Variants in SAFB2 observed in about 807,000 individuals in gnomAD.
SAFB2 encodes the protein scaffold attachment factor B2.
In SAFB2, 32 loss-of-function variants were observed where a neutral mutation model predicts 100.6. The observed-to-expected ratio is 0.32, with a 90% CI of 0.24 to 0.43. The LOEUF is 0.43. Ranked by LOEUF, SAFB2 falls within the 20% of genes least tolerant of loss-of-function variation. The pLI is 1.00. For synonymous variants in SAFB2, 500 were observed against 439.4 expected, an observed-to-expected ratio of 1.14 and a Z score of -1.72; for missense variants, 1,185 against 1,163.4, an observed-to-expected ratio of 1.02 and a Z score of -0.27.
At position 5,587,463 on chromosome 19, in the gene SAFB2, G is replaced by C; in HGVS notation, c.2706-64C>G. 6.5e-7 allele frequency: 1 copy of C among 1,541,064 alleles called. No individual in the cohort carries two copies. The highest frequency in any genetic ancestry group is 8.8e-7 in the Non-Finnish European group (1 of 1,138,098). On this transcript the variant is annotated intron_variant, in intron 20 of 20. Coordinates refer to ENST00000252542, the MANE Select transcript of SAFB2 (RefSeq NM_014649.3). This position sits in a 1 kb window ranked among gnomAD's most constrained non-coding sequence, Gnocchi z 4.9. Reference sequence around the variant, plus strand: ...GCTCAGCGTTTTCATCGTAACATGGGTTCAGTAACGGTCCCGCAGCCTTTA... The same window carrying C: ...GCTCAGCGTTTTCATCGTAACATGGCTTCAGTAACGGTCCCGCAGCCTTTA...
Position 5,604,616 on chromosome 19 carries a change from T to C in SAFB2, c.1526A>G (p.Asp509Gly). ...TTTGATCTCCACAGAATGATGTCTG[T>C]CGACACTCGATAATTTTTCCTTCTT... ...EVKKEKLSSVDRHHSVEIKIE... is the reference protein window; with the variant it reads ...EVKKEKLSSVGRHHSVEIKIE... Residue 509 changes from aspartate to glycine, a missense_variant, in exon 11 of 21, where the codon GAC becomes GGC. Asp to Gly is a moderately conservative substitution (Grantham distance 94, BLOSUM62 -1). Transcript: ENST00000252542. The C allele has an allele frequency of 1.2e-6, 2 of 1,614,154 alleles. No homozygotes were observed. The highest frequency in any genetic ancestry group is 4.5e-5 in the East Asian group (2 of 44,888).
chr19:5,615,462 C>T (rs1342107846), intron 4 of SAFB2, among the ~76,000 whole-genome samples: 3 of 152,058 alleles, frequency 2.0e-5, no homozygotes, highest in South Asian at 2.1e-4. Flanking sequence ...AATCCCAGCA[C>T]TCTGGGAGGC....
chr19:5,620,897 T>C (rs772110758), intron 2 of SAFB2, among the ~76,000 whole-genome samples: 6 of 152,190 alleles, frequency 3.9e-5, no homozygotes, highest in Non-Finnish European at 7.4e-5. Context: ...ACAATCTACT[T>C]TGGACCCTAG....
intron 18 of SAFB2, 99 bp from the exon 19 acceptor site, chr19:5,588,079 T>C (rs951662899): frequency 1.9e-6 from 2 of 1,034,890 alleles, no homozygotes; most frequent in African/African-American, 1.6e-5. Context: ...TGGTGGGTCA[T>C]GCCACACAAC....
rs187024656 is a variant in SAFB2 at position 5,598,309 on chromosome 19, C to T, written c.1782+484G>A. Among the ~76,000 whole-genome samples, 643 of 152,198 alleles carry T rather than the reference C, an allele frequency of 4.2e-3. 1 individual carries two copies. Among genetic ancestry groups the T allele is most frequent in the Non-Finnish European group, 7.4e-3 (506 of 68,014 alleles). On this transcript the variant is annotated intron_variant, in intron 13 of 20. Transcript: ENST00000252542. ...CCCAGAGTGAAAAACGCAAATGAGA[C>T]GCTATTTCGTCTAGTTGTGTGCACA...
rs1016979995 is a variant in SAFB2 at position 5,613,684 on chromosome 19, C to T, written c.544-157G>A. On this transcript the variant is annotated intron_variant, in intron 4 of 20. Transcript: ENST00000252542. ...TCATTCAGTTCAGCACCTGCCTCTC[C>T]GCCAGAACACACACTCCACGACTCT... 3 of 985,294 alleles carry T rather than the reference C, an allele frequency of 3.0e-6. No homozygotes were observed. The African/African-American group carries it at 5.2e-5, about 17-fold the overall frequency. 61.0% of individuals were successfully genotyped at this position (985,294 alleles called of 1,614,324 possible).
At chr19:5,622,389 G>A (rs910359639) in intron 1 of SAFB2, 141 bp downstream of exon 1, 2 of 744,864 alleles carry the variant, frequency 2.7e-6, no homozygotes, top group African/African-American at 1.9e-5. Context: ...CCGGCCCCCT[G>A]GGTGCCCGAC....
chr19:5,612,619 A>G (rs371756814), intron 5 of SAFB2, 52 bp from the exon 6 acceptor site: 44 of 1,446,188 alleles, frequency 3.0e-5, no homozygotes, highest in Non-Finnish European at 4.2e-5. Flanking sequence ...CACGGGGCAC[A>G]TACATTTCAC....
In SAFB2 at chr19:5,621,414, G is replaced by T; in HGVS notation, c.187-18C>A. The T allele has an allele frequency of 1.3e-6, 2 of 1,486,852 alleles. No individual in the cohort carries two copies. Among genetic ancestry groups the T allele is most frequent in the Non-Finnish European group, 1.9e-6 (2 of 1,064,238 alleles). The allele number at this position is 1,486,852 out of a possible 1,614,324, so 92.1% of individuals were successfully genotyped here. ...TTAACCGCCTATTAGGGAGAGATGAGTTTTACAACATCATTAAGAGCTGCA... is the reference window on the plus strand; with the variant it reads ...TTAACCGCCTATTAGGGAGAGATGATTTTTACAACATCATTAAGAGCTGCA... On this transcript the variant is annotated intron_variant, in intron 1 of 20. Coordinates refer to ENST00000252542, the MANE Select transcript of SAFB2 (RefSeq NM_014649.3).
intron 13 of SAFB2, 41 bp downstream of exon 13, chr19:5,598,752 T>C (rs963440384): frequency 1.3e-6 from 2 of 1,570,600 alleles, no homozygotes; most frequent in Non-Finnish European, 1.8e-6. Flanking sequence ...GGAGCCATCG[T>C]GAGAAACAGC....
intron 9 of SAFB2, among the ~76,000 whole-genome samples, chr19:5,607,741 CAG>C (rs1451658676): frequency 7.2e-5 from 11 of 152,362 alleles, no homozygotes; most frequent in Non-Finnish European, 1.6e-4. Context: ...ATCTCTGACT[CAG>C]GGCATCAACC....
chr19:5,587,696 C>A lies in SAFB2; in HGVS notation c.2705+5G>T, dbSNP rs1164480916. 9.0e-6 allele frequency: 14 copies of A among 1,547,828 alleles called. No homozygotes were observed. Among genetic ancestry groups the A allele is most frequent in the Non-Finnish European group, 1.2e-5 (14 of 1,145,238 alleles). ...CCACCGTCCTCCACGGACGACACAC[C>A]TTACCCCGCCACTCCACCGCGGCTT... is the stretch of plus-strand genomic sequence containing the variant. On this transcript the variant is annotated splice_donor_5th_base_variant and intron_variant, in intron 20 of 20. Coordinates refer to ENST00000252542, the MANE Select transcript of SAFB2 (RefSeq NM_014649.3). The surrounding 1 kb of genome is among the most constrained non-coding windows in gnomAD (Gnocchi z 4.9).
At chr19:5,604,240 G>A (rs370540309) in intron 11 of SAFB2, among the ~76,000 whole-genome samples, 6 of 152,122 alleles carry the variant, frequency 3.9e-5, no homozygotes, top group Admixed American at 6.5e-5. Flanking sequence ...GCGAAACCGC[G>A]TCTCTATAAA....
At chr19:5,609,947 T>C in intron 9 of SAFB2, 48 bp downstream of exon 9, 1 of 1,534,722 alleles carries the variant, frequency 6.5e-7, no homozygotes, top group East Asian at 2.3e-5. Flanking sequence ...AGAGCTTCCT[T>C]TTTAACTCTG....
chr19:5,616,342 A>T lies in SAFB2; in HGVS notation c.340-7T>A. Reference sequence around the variant, plus strand: ...GACTTGCTTCCATGTCCTCCTGTAAAGAGGAAGAAGAATCGTTAACGACCA... The same window carrying T: ...GACTTGCTTCCATGTCCTCCTGTAATGAGGAAGAAGAATCGTTAACGACCA... On this transcript the variant is annotated splice_polypyrimidine_tract_variant and splice_region_variant and intron_variant, in intron 3 of 20. Transcript: ENST00000252542. 6.2e-7 allele frequency: 1 copy of T among 1,613,934 alleles called. No individual in the cohort carries two copies.
intron 6 of SAFB2, chr19:5,611,851 C>T (rs2052914491): frequency 2.7e-6 from 2 of 735,070 alleles, no homozygotes; most frequent in Non-Finnish European, 4.8e-6. Flanking sequence ...AGAAAAGGCC[C>T]CCACAGATTT....
chr19:5,591,864 T>C, intron 16 of SAFB2, 71 bp from the exon 17 acceptor site: 1 of 1,450,338 alleles, frequency 6.9e-7, no homozygotes, highest in Non-Finnish European at 9.7e-7. Context: ...CAGGCAAGTT[T>C]CGCGACTGGG....
intron 17 of SAFB2, among the ~76,000 whole-genome samples, chr19:5,591,047 G>A (rs1279205878): frequency 6.6e-6 from 1 of 152,014 alleles, no homozygotes; most frequent in Non-Finnish European, 1.5e-5. Context: ...TGAAACATGG[G>A]GAAGCCCGGG....
chr19:5,594,033 G>A lies in SAFB2; in HGVS notation c.2065C>T (p.Arg689Cys). The stretch of plus-strand genomic sequence containing the variant: ...TCACGCTCCACGCGCATGCGCTCGC[G>A]CTCCAGCCGCTCCCGCTCCATGCGC... The part of the protein sequence containing the change: ...RERMERERLE[R>C]ERMRVERERR... Residue 689 changes from arginine (R) to cysteine (C), a missense_variant, in exon 15 of 21, where the codon CGC (arginine) becomes TGC (cysteine). Coordinates refer to ENST00000252542, the MANE Select transcript of SAFB2 (RefSeq NM_014649.3). 1.3e-6 allele frequency: 2 copies of A among 1,571,130 alleles called. No individual in the cohort carries two copies. Among genetic ancestry groups the A allele is most frequent in the African/African-American group, 2.7e-5 (2 of 74,318 alleles).
Sources: gnomAD v4.1 joint callset for allele counts (sites outside exome capture counted in the v4.1 genomes callset) on GRCh38, gnomAD v4.1.1 for gene constraint, Gnocchi (gnomAD v3.1) non-coding constraint, MANE v1.5 for transcripts, NCBI Gene and HGNC (gene_info 2026-07-23, HGNC 2026-07-21) for gene names.